Variants in CDH13 observed in about 807,000 individuals in gnomAD.
CDH13 encodes the protein cadherin-13.
In CDH13, 24 loss-of-function variants were observed where a neutral mutation model predicts 63.8. The ratio of observed to expected loss-of-function variants is 0.38; its 90% CI spans 0.27 to 0.53. The LOEUF (loss-of-function observed/expected upper bound fraction) is 0.53, where lower values mean the gene tolerates loss of function less well. Ranked by LOEUF, CDH13 falls within the 20% of genes least tolerant of loss-of-function variation. The pLI, the probability that CDH13 is intolerant of heterozygous loss-of-function variation, is 0.85. For missense variants in CDH13, 1,049 were observed against 903.1 expected (o/e 1.16, Z -2.07); for synonymous variants, 503 against 355.3 (o/e 1.42, Z -4.67).
chr16:83,663,428 A>G (rs1913631168), intron 8 of CDH13, among the ~76,000 whole-genome samples: 1 of 152,222 alleles, frequency 6.6e-6, no homozygotes, highest in Admixed American at 6.5e-5. Flanking sequence ...AGTTGAGTCC[A>G]CTTTCCTTTT....
chr16:83,381,677 C>G (rs771386680), intron 6 of CDH13, among the ~76,000 whole-genome samples: 3 of 151,730 alleles, frequency 2.0e-5, no homozygotes, highest in South Asian at 2.1e-4. Flanking sequence ...CTATCTGAGT[C>G]AAATCATTCC....
chr16:82,744,041 T>C (rs2034052078), intron 1 of CDH13, among the ~76,000 whole-genome samples: 1 of 152,198 alleles, frequency 6.6e-6, no homozygotes, highest in African/African-American at 2.4e-5. Context: ...CACAAAGTTT[T>C]CTCCAGCTAT....
chr16:83,046,867 C>T (rs1039933331), intron 3 of CDH13, among the ~76,000 whole-genome samples: 6 of 152,164 alleles, frequency 3.9e-5, no homozygotes, highest in Non-Finnish European at 8.8e-5. Flanking sequence ...CTTCCTGCTG[C>T]TCTTTCTGTC....
chr16:82,635,244 A>C (rs1219103240), intron 1 of CDH13, among the ~76,000 whole-genome samples: 1 of 152,218 alleles, frequency 6.6e-6, no homozygotes, highest in East Asian at 1.9e-4. Flanking sequence ...TGAATGAATG[A>C]ATATAAGAAA....
intron 11 of CDH13, among the ~76,000 whole-genome samples, chr16:83,751,503 G>T (rs575003981): frequency 1.3e-5 from 2 of 152,294 alleles, no homozygotes; most frequent in Admixed American, 6.5e-5. Context: ...AATGGACGCG[G>T]TGATGGCAAG....
intron 5 of CDH13, among the ~76,000 whole-genome samples, chr16:83,285,677 C>T (rs1349314188): frequency 6.6e-6 from 1 of 152,120 alleles, no homozygotes; most frequent in East Asian, 1.9e-4. Flanking sequence ...CGATACTTTG[C>T]CGCTTTATAT....
chr16:83,756,748 G>C (rs575731625), intron 11 of CDH13, among the ~76,000 whole-genome samples: 1 of 152,308 alleles, frequency 6.6e-6, no homozygotes, highest in South Asian at 2.1e-4. Context: ...GGACATCACA[G>C]TCCTAAATCT....
At chr16:82,896,276 A>ATTGTTTTTT (rs2041253748) in intron 2 of CDH13, among the ~76,000 whole-genome samples, 1 of 87,816 alleles carries the variant, frequency 1.1e-5, no homozygotes, top group African/African-American at 4.3e-5. Context: ...TAGGATTAGG[A>ATTGTTTTTT]TTTTTTTTTT....
At chr16:83,241,991 C>G (rs1904500255) in intron 5 of CDH13, among the ~76,000 whole-genome samples, 2 of 152,066 alleles carry the variant, frequency 1.3e-5, no homozygotes, top group South Asian at 4.1e-4. Flanking sequence ...GGTCTTTAAT[C>G]CATTTTGAGC....
intron 3 of CDH13, among the ~76,000 whole-genome samples, chr16:83,111,543 C>G (rs4411489): frequency 0.6 from 91,574 of 152,058 alleles, 28,071 homozygotes; most frequent in Middle Eastern, 0.7. Context: ...GTTGCTGACT[C>G]TTCAGGAGAG....
intron 2 of CDH13, among the ~76,000 whole-genome samples, chr16:83,023,921 C>A (rs1049904427): frequency 6.6e-6 from 1 of 152,148 alleles, no homozygotes; most frequent in Non-Finnish European, 1.5e-5. Flanking sequence ...TCAATGTCTT[C>A]CTGTTTATCA....
chr16:82,826,760 A>T (rs548135487), intron 1 of CDH13: 24 of 152,296 alleles, frequency 1.6e-4, no homozygotes, highest in African/African-American at 5.8e-4. Flanking sequence ...TTTGCTGGTG[A>T]AACAGTTTGG....
intron 6 of CDH13, among the ~76,000 whole-genome samples, chr16:83,367,339 A>G (rs934795909): frequency 6.7e-6 from 1 of 150,176 alleles, no homozygotes. Flanking sequence ...ATTGTATGGG[A>G]TTATATTTTA....
intron 4 of CDH13, among the ~76,000 whole-genome samples, chr16:83,151,097 C>G (rs1290783234): frequency 1.3e-5 from 2 of 152,164 alleles, no homozygotes; most frequent in Admixed American, 1.3e-4. Flanking sequence ...CTCAACCTTA[C>G]TACCTTTATT....
intron 6 of CDH13, among the ~76,000 whole-genome samples, chr16:83,453,276 C>T (rs1302605782): frequency 1.3e-5 from 2 of 152,088 alleles, no homozygotes; most frequent in Non-Finnish European, 2.9e-5. Context: ...GTACACTGCT[C>T]AGGTGATGGA....
At chr16:83,407,119 C>T (rs904374078) in intron 6 of CDH13, among the ~76,000 whole-genome samples, 9 of 152,200 alleles carry the variant, frequency 5.9e-5, no homozygotes, top group Non-Finnish European at 1.3e-4. Context: ...GTGTGCCAGG[C>T]AGCCCTCTGG....
In CDH13 at chr16:83,130,195, C is replaced by T. The variant is rs549999334; in HGVS notation, c.483+4694C>T. On this transcript the variant is annotated intron_variant, in intron 4 of 13. Transcript: ENST00000567109. ...TATTTGTCCAGCACTGTGCTAAGCACTTTTCATCTATTATGTTGAATTCTT... is the reference window on the plus strand; with the variant it reads ...TATTTGTCCAGCACTGTGCTAAGCATTTTTCATCTATTATGTTGAATTCTT... 2.0e-5 allele frequency among the ~76,000 whole-genome samples: 3 copies of T among 152,330 alleles called. No homozygotes were observed. The East Asian group carries it at 5.8e-4, about 29-fold the overall frequency.
At position 83,477,196 on chromosome 16, in the gene CDH13, T is replaced by C. The variant is rs117363270; in HGVS notation, c.782-9281T>C. Among the ~76,000 whole-genome samples, 326 of 152,366 alleles carry C rather than the reference T, an allele frequency of 2.1e-3. 1 individual carries two copies. Among genetic ancestry groups the C allele is most frequent in the Middle Eastern group, 3.4e-3 (1 of 294 alleles). On this transcript the variant is annotated intron_variant, in intron 6 of 13. Coordinates refer to ENST00000567109, the MANE Select transcript of CDH13 (RefSeq NM_001257.5). ...AAGGTGGTCCTGTTGCCATCATCTC[T>C]TTATCAGTATAAAAATAAACAACCT...
intron 10 of CDH13, among the ~76,000 whole-genome samples, chr16:83,707,835 G>GAAAAAAAAAAA (rs1907331718): frequency 1.6e-4 from 3 of 19,220 alleles, no homozygotes; most frequent in Admixed American, 1.3e-3. Flanking sequence ...GACCCTAAAG[G>GAAAAAAAAAAA]CAAAAAAAAA....
Sources: gnomAD v4.1 joint callset for allele counts (sites outside exome capture counted in the v4.1 genomes callset) on GRCh38, gnomAD v4.1.1 for gene constraint, MANE v1.5 for transcripts, NCBI Gene and HGNC (gene_info 2026-07-23, HGNC 2026-07-21) for gene names.